The following RGS12 variants were observed in gnomAD, a reference collection of about 807,000 sequenced individuals.
The protein encoded by RGS12 is regulator of G-protein signaling 12.
Under a neutral mutation model 120.1 loss-of-function variants are expected in RGS12, and 66 were observed. The observed-to-expected ratio is 0.55, with a 90% CI of 0.45 to 0.67. The LOEUF (loss-of-function observed/expected upper bound fraction) is 0.67, where lower values mean the gene tolerates loss of function less well. Ranked by LOEUF, RGS12 falls within the 30% of genes least tolerant of loss-of-function variation. RGS12 has a pLI of 0.00. For missense variants in RGS12, 1,859 were observed against 1,957.7 expected (o/e 0.95, Z 0.95); for synonymous variants, 827 against 804.7 (o/e 1.03, Z -0.47).
chr4:3,432,756 GCTC>G (rs1339998320), intron 17 of RGS12, among the ~76,000 whole-genome samples: 1 of 152,242 alleles, frequency 6.6e-6, no homozygotes, highest in Non-Finnish European at 1.5e-5. Context: ...CGCCCCGCTG[GCTC>G]CTCAGCCCCT....
At chr4:3,323,218 C>T (rs904494749) in intron 2 of RGS12, among the ~76,000 whole-genome samples, 17 of 152,222 alleles carry the variant, frequency 1.1e-4, no homozygotes, top group Admixed American at 3.3e-4. Context: ...CGTGGCGCCT[C>T]GCTCGTGTTG....
rs1716283771 is a variant in RGS12 at position 3,366,204 on chromosome 4, T to TG, written c.1999-20208dup. ...AGGGGTTAGGGGTTAGGCACAGGGC[T>TG]GGGGCGGGTGCTGGGCAGACTGCAA... On this transcript the variant is annotated intron_variant, in intron 3 of 17. Transcript: ENST00000336727. The surrounding 1 kb of genome is among the most constrained non-coding windows in gnomAD (Gnocchi z 4.0). Among the ~76,000 whole-genome samples, 1 of 151,602 alleles carries TG rather than the reference T, an allele frequency of 6.6e-6. No individual in the cohort carries two copies.
chr4:3,344,089 A>G (rs1233655401), intron 3 of RGS12, among the ~76,000 whole-genome samples: 1 of 152,032 alleles, frequency 6.6e-6, no homozygotes, highest in Admixed American at 6.5e-5. Context: ...CTTAGCTGGG[A>G]AGGATCTGCA....
At position 3,439,752 on chromosome 4, in the gene RGS12, G is replaced by A. The variant is rs1577119796; in HGVS notation, c.*68G>A. ...GGGGCAGCCCAGGTGGATTCTGTGG[G>A]CCTCAGGGGGGCCACCCTGGCCACC... On this transcript the variant is annotated 3_prime_UTR_variant, in exon 18 of 18. Transcript: ENST00000336727. 19 of 1,391,608 alleles carry A rather than the reference G, an allele frequency of 1.4e-5. No individual in the cohort carries two copies. The highest frequency in any genetic ancestry group is 1.7e-5 in the Non-Finnish European group (18 of 1,051,756). The allele number at this position is 1,391,608 out of a possible 1,614,324, so 86.2% of individuals were successfully genotyped here.
At chr4:3,383,619 G>A (rs1577022193) in intron 3 of RGS12, among the ~76,000 whole-genome samples, 1 of 151,988 alleles carries the variant, frequency 6.6e-6, no homozygotes, top group African/African-American at 2.4e-5. Flanking sequence ...AAAAGTATGT[G>A]TATCTCTCTA....
intron 3 of RGS12, among the ~76,000 whole-genome samples, chr4:3,351,294 A>G (rs1714331011): frequency 6.6e-6 from 1 of 152,156 alleles, no homozygotes. Context: ...TAAGTGTCAG[A>G]CAAAATAATT....
chr4:3,362,497 T>A (rs1466051001), intron 3 of RGS12, among the ~76,000 whole-genome samples: 8 of 121,874 alleles, frequency 6.6e-5, no homozygotes, highest in Admixed American at 5.0e-4. Flanking sequence ...AGGGTGTGTG[T>A]GAGGGTGCGA....
In RGS12 at chr4:3,374,752, C is replaced by T. The variant is rs1407446075; in HGVS notation, c.1999-11664C>T. Among the ~76,000 whole-genome samples, 1 of 152,102 alleles carries T rather than the reference C, an allele frequency of 6.6e-6. No individual in the cohort carries two copies. Among genetic ancestry groups the T allele is most frequent in the Non-Finnish European group, 1.5e-5 (1 of 68,014 alleles). ...GCCTGCCCTCGTCCCCATCTCTTGC[C>T]TGGAGCACCACAGAGCCTCCAGCTG... On this transcript the variant is annotated intron_variant, in intron 3 of 17. Transcript: ENST00000336727. The surrounding 1 kb of genome is among the most constrained non-coding windows in gnomAD (Gnocchi z 6.3).
chr4:3,391,939 T>C (rs1719549342), intron 4 of RGS12, among the ~76,000 whole-genome samples: 1 of 152,354 alleles, frequency 6.6e-6, no homozygotes, highest in South Asian at 2.1e-4. Context: ...CTTAATAGTT[T>C]ACTAAAATAA....
Position 3,343,120 on chromosome 4 carries a change from A to T in RGS12, c.1998+67A>T, listed in dbSNP as rs1713417578. ...TAAAAAATGCAAGTCCACCTTGCAG[A>T]TACGTCTGGCTGTTTTTTGAGTCCC... is the stretch of plus-strand genomic sequence containing the variant. On this transcript the variant is annotated intron_variant, in intron 3 of 17. Coordinates refer to ENST00000336727, the MANE Select transcript of RGS12 (RefSeq NM_001394154.1). 5 of 1,168,050 alleles carry T rather than the reference A, an allele frequency of 4.3e-6. No individual in the cohort carries two copies. The South Asian group carries it at 5.1e-5, about 12-fold the overall frequency. The allele number at this position is 1,168,050 out of a possible 1,614,324, so 72.4% of individuals were successfully genotyped here. A position where few individuals can be genotyped will look rare whatever the true frequency, so the allele number is the denominator to read the frequency against.
chr4:3,318,514 T>C (rs1224052615), intron 2 of RGS12, among the ~76,000 whole-genome samples: 1 of 152,224 alleles, frequency 6.6e-6, no homozygotes, highest in African/African-American at 2.4e-5. Flanking sequence ...CTCGTGCTGT[T>C]TCCTCCATGG....
intron 3 of RGS12, among the ~76,000 whole-genome samples, chr4:3,361,780 G>A (rs934674764): frequency 1.9e-4 from 29 of 152,328 alleles, no homozygotes; most frequent in African/African-American, 6.5e-4. Context: ...AGTCAGAGGG[G>A]ACGTCTCTGC....
chr4:3,383,878 TCTGGGACACTCCTCTCTC>T (rs1437877444), intron 3 of RGS12, among the ~76,000 whole-genome samples: 2 of 152,198 alleles, frequency 1.3e-5, no homozygotes, highest in African/African-American at 2.4e-5. Flanking sequence ...CTGTTTGGCC[TCTGGGACACTCCTCTCTC>T]CTGGTTCTCA....
intron 17 of RGS12, chr4:3,431,386 G>T: frequency 9.7e-7 from 1 of 1,027,734 alleles, no homozygotes; most frequent in Non-Finnish European, 1.2e-6. Context: ...GAAGCCCGCT[G>T]TGTTCATAGC....
At chr4:3,323,154 C>T (rs750661583) in intron 2 of RGS12, among the ~76,000 whole-genome samples, 2 of 152,190 alleles carry the variant, frequency 1.3e-5, no homozygotes, top group Non-Finnish European at 2.9e-5. Flanking sequence ...AAGCCAGGGG[C>T]GAGCGGGAGG....
chr4:3,293,270 C>T (rs1267093275), intron 1 of RGS12, among the ~76,000 whole-genome samples, 171 bp downstream of exon 1: 1 of 145,520 alleles, frequency 6.9e-6, no homozygotes, highest in African/African-American at 2.5e-5. Context: ...TTTTGTTCGC[C>T]GGCCTGACTC....
intron 3 of RGS12, among the ~76,000 whole-genome samples, chr4:3,373,603 C>T (rs141198349): frequency 7.6e-4 from 116 of 152,346 alleles, no homozygotes; most frequent in African/African-American, 2.8e-3. Context: ...CTTTGGGACC[C>T]CGAAGTGCAG....
intron 17 of RGS12, among the ~76,000 whole-genome samples, chr4:3,437,106 T>G (rs1466171486): frequency 6.6e-6 from 1 of 152,014 alleles, no homozygotes; most frequent in Non-Finnish European, 1.5e-5. Flanking sequence ...GGCCCTGGCA[T>G]GTAGGTGGTG....
chr4:3,306,103 C>T (rs115143204), intron 1 of RGS12, among the ~76,000 whole-genome samples: 343 of 152,326 alleles, frequency 2.3e-3, no homozygotes, highest in African/African-American at 7.6e-3. Context: ...GGACTAATGC[C>T]CATAAGCTTC....
Sources: gnomAD v4.1 joint callset for allele counts (sites outside exome capture counted in the v4.1 genomes callset) on GRCh38, gnomAD v4.1.1 for gene constraint, Gnocchi (gnomAD v3.1) non-coding constraint, MANE v1.5 for transcripts, NCBI Gene and HGNC (gene_info 2026-07-23, HGNC 2026-07-21) for gene names.